DYTN: variants seen among roughly 807,000 people sequenced by gnomAD.
DYTN encodes dystrotelin.
In DYTN, 75 loss-of-function variants were observed where a neutral mutation model predicts 69.6. The ratio of observed to expected loss-of-function variants is 1.08; its 90% CI spans 0.89 to 1.31. DYTN has a LOEUF of 1.31. DYTN is among the 50% of genes most tolerant of loss of function. DYTN has a pLI of 0.00. For missense variants in DYTN, 726 were observed against 688.4 expected (o/e 1.05, Z -0.61); for synonymous variants, 252 against 249.1 (o/e 1.01, Z -0.11).
intron 9 of DYTN, 24 bp from the exon 10 acceptor site, chr2:206,666,053 G>A (rs186621697): frequency 1.1e-5 from 17 of 1,609,096 alleles, no homozygotes; most frequent in African/African-American, 6.7e-5. Flanking sequence ...AGATTTGAGC[G>A]GTTTGGAAGG....
At chr2:206,706,554 C>G (rs1700029777) in intron 3 of DYTN, among the ~76,000 whole-genome samples, 1 of 150,894 alleles carries the variant, frequency 6.6e-6, no homozygotes, top group Non-Finnish European at 1.5e-5. Flanking sequence ...GTGGTTAAAA[C>G]AGTGCTTGCC....
intron 2 of DYTN, 135 bp from the exon 3 acceptor site, chr2:206,707,638 T>C: frequency 2.5e-6 from 2 of 811,794 alleles, no homozygotes; most frequent in East Asian, 2.7e-5. Flanking sequence ...GAATGAAATA[T>C]GACTACTATT....
chr2:206,716,647 T>TA (rs1280683238), intron 1 of DYTN, among the ~76,000 whole-genome samples: 2 of 150,732 alleles, frequency 1.3e-5, no homozygotes, highest in Non-Finnish European at 2.9e-5. Flanking sequence ...CTCTGTCCTA[T>TA]GTTTGGAGAA....
rs568216039 is a variant in DYTN at position 206,661,112 on chromosome 2, T to C, written c.1633+1791A>G. ...AGACATACATAGAAGGAAGGCCATA[T>C]AAAGGCATGAGGGAAGACAGCCATT... On this transcript the variant is annotated intron_variant, in intron 11 of 11. Coordinates refer to ENST00000452335, the MANE Select transcript of DYTN (RefSeq NM_001093730.1). Among the ~76,000 whole-genome samples the C allele has an allele frequency of 3.7e-4, 56 of 152,276 alleles. No individual in the cohort carries two copies. In the Middle Eastern group the frequency reaches 0.01, roughly 28 times the overall value.
At chr2:206,668,867 T>G (rs1231951028) in intron 9 of DYTN, among the ~76,000 whole-genome samples, 1 of 152,152 alleles carries the variant, frequency 6.6e-6, no homozygotes, top group Non-Finnish European at 1.5e-5. Context: ...TCTGATGGTT[T>G]TATAAGCATC....
chr2:206,704,981 T>C, intron 4 of DYTN, 38 bp from the exon 5 acceptor site: 1 of 1,523,450 alleles, frequency 6.6e-7, no homozygotes, highest in South Asian at 1.1e-5. Flanking sequence ...AATTGAATAC[T>C]TGCAATGTAT....
intron 8 of DYTN, among the ~76,000 whole-genome samples, chr2:206,693,839 G>T (rs562486215): frequency 6.6e-6 from 1 of 152,146 alleles, no homozygotes; most frequent in Non-Finnish European, 1.5e-5. Flanking sequence ...AATTTAAAGC[G>T]TAATAACAAA....
intron 9 of DYTN, among the ~76,000 whole-genome samples, chr2:206,678,833 T>G (rs1007013433): frequency 3.9e-5 from 6 of 152,246 alleles, no homozygotes; most frequent in Admixed American, 3.3e-4. Flanking sequence ...CTATAATAAA[T>G]GTATAGCACT....
chr2:206,718,232 A>G (rs758152113), intron 1 of DYTN, 29 bp downstream of exon 1: 2 of 1,580,076 alleles, frequency 1.3e-6, no homozygotes, highest in East Asian at 2.3e-5. Flanking sequence ...TTTACAAACT[A>G]TGCTCAGAAA....
chr2:206,711,930 G>A (rs1262604563), intron 1 of DYTN, among the ~76,000 whole-genome samples: 1 of 152,130 alleles, frequency 6.6e-6, no homozygotes. Flanking sequence ...GCTGAAGACT[G>A]AAATGATCAG....
At chr2:206,714,189 G>C (rs938994369) in intron 1 of DYTN, among the ~76,000 whole-genome samples, 3 of 152,064 alleles carry the variant, frequency 2.0e-5, no homozygotes, top group African/African-American at 7.2e-5. Context: ...CTGTGTTTAA[G>C]GGCCACTCTT....
chr2:206,663,476 A>G, intron 10 of DYTN, 81 bp from the exon 11 acceptor site: 1 of 1,414,606 alleles, frequency 7.1e-7, no homozygotes, highest in Non-Finnish European at 9.4e-7. Context: ...CAACATTCCA[A>G]CAGAACATTC....
intron 11 of DYTN, among the ~76,000 whole-genome samples, chr2:206,657,406 G>A (rs2105886311): frequency 6.6e-6 from 1 of 152,214 alleles, no homozygotes; most frequent in Non-Finnish European, 1.5e-5. Flanking sequence ...GCCTCTCAAA[G>A]TGCTGGGATT....
At position 206,710,581 on chromosome 2, in the gene DYTN, C is replaced by CTATAAATGG. The variant is rs1700071213; in HGVS notation, c.36_37insCCATTTATA (p.Ile12_Glu13insProPheIle). On this transcript the variant is annotated inframe_insertion, in exon 2 of 12. Coordinates refer to ENST00000452335, the MANE Select transcript of DYTN (RefSeq NM_001093730.1). ...AAGGCTGTTCTATAAATGGAATTCT[C>CTATAAATGG]AATACTATTAAGAGCATCTGTAAAG... 1 of 1,609,256 alleles carries CTATAAATGG rather than the reference C, an allele frequency of 6.2e-7. No homozygotes were observed. The highest frequency in any genetic ancestry group is 1.3e-5 in the African/African-American group (1 of 74,822).
chr2:206,676,510 A>G (rs1413491675), intron 9 of DYTN, among the ~76,000 whole-genome samples: 1 of 152,212 alleles, frequency 6.6e-6, no homozygotes, highest in Non-Finnish European at 1.5e-5. Context: ...ATGGCTTGAT[A>G]GGTGCAGCAA....
At chr2:206,653,877 G>A (rs967687929) in intron 11 of DYTN, among the ~76,000 whole-genome samples, 3 of 152,026 alleles carry the variant, frequency 2.0e-5, no homozygotes, top group African/African-American at 4.8e-5. Context: ...ATCCATACAG[G>A]GCAACACCGT....
chr2:206,682,513 G>C (rs897639888), intron 9 of DYTN, among the ~76,000 whole-genome samples: 1 of 151,924 alleles, frequency 6.6e-6, no homozygotes, highest in Non-Finnish European at 1.5e-5. Flanking sequence ...TCCCTTTCTG[G>C]TTTTTCTTCT....
intron 9 of DYTN, among the ~76,000 whole-genome samples, chr2:206,691,141 G>T (rs1272917650): frequency 6.6e-6 from 1 of 152,078 alleles, no homozygotes; most frequent in African/African-American, 2.4e-5. Flanking sequence ...GGCCGGGCAC[G>T]GTGGCTCACA....
chr2:206,675,191 A>G (rs1435657655), intron 9 of DYTN, among the ~76,000 whole-genome samples: 1 of 146,364 alleles, frequency 6.8e-6, no homozygotes, highest in African/African-American at 2.5e-5. Flanking sequence ...ATATATTTAA[A>G]TATATATGTA....
Sources: gnomAD v4.1 joint callset for allele counts (sites outside exome capture counted in the v4.1 genomes callset) on GRCh38, gnomAD v4.1.1 for gene constraint, MANE v1.5 for transcripts, NCBI Gene and HGNC (gene_info 2026-07-23, HGNC 2026-07-21) for gene names.